The following DLGAP1 variants were observed in gnomAD, a reference collection of about 807,000 sequenced individuals.
DLGAP1 encodes disks large-associated protein 1.
In DLGAP1, 11 loss-of-function variants were observed where a neutral mutation model predicts 90.8. The observed-to-expected ratio is 0.12, with a 90% CI of 0.08 to 0.20. The LOEUF is 0.20. DLGAP1 is among the 10% of genes least tolerant of loss of function. The pLI is 1.00. For synonymous variants in DLGAP1, 558 were observed against 540.7 expected (o/e 1.03, Z -0.44); for missense variants, 1,050 against 1,333.8 (o/e 0.79, Z 3.31).
chr18:3,813,972 C>A, intron 5 of DLGAP1, 87 bp downstream of exon 5: 1 of 1,346,968 alleles, frequency 7.4e-7, no homozygotes, highest in East Asian at 2.3e-5. Flanking sequence ...TGTTTCTGCC[C>A]CACTTACTCT....
chr18:3,815,262 TC>T (rs2067045168), intron 4 of DLGAP1, among the ~76,000 whole-genome samples: 1 of 152,236 alleles, frequency 6.6e-6, no homozygotes, highest in South Asian at 2.1e-4. Flanking sequence ...CTGCATTTAC[TC>T]CCCAGTCACT....
chr18:3,957,583 A>G (rs959524474), intron 3 of DLGAP1, among the ~76,000 whole-genome samples: 11 of 152,232 alleles, frequency 7.2e-5, no homozygotes, highest in Non-Finnish European at 7.3e-5. Context: ...GTTAATATCC[A>G]CACTACTAAT....
At chr18:4,283,710 T>C (rs980310306) in intron 1 of DLGAP1, among the ~76,000 whole-genome samples, 6 of 152,178 alleles carry the variant, frequency 3.9e-5, no homozygotes, top group South Asian at 2.1e-4. Flanking sequence ...AACATGCTAA[T>C]GAAGATAAAA....
At chr18:3,693,168 G>A (rs981290117) in intron 7 of DLGAP1, among the ~76,000 whole-genome samples, 13 of 152,094 alleles carry the variant, frequency 8.5e-5, no homozygotes, top group African/African-American at 2.9e-4. Context: ...CTGCAGCCTC[G>A]AACTCCTGGG....
chr18:3,870,434 T>G (rs1192183942), intron 4 of DLGAP1, among the ~76,000 whole-genome samples: 2 of 152,168 alleles, frequency 1.3e-5, no homozygotes, highest in African/African-American at 4.8e-5. Context: ...CTTTTACATG[T>G]AGGGGGCAAT....
intron 4 of DLGAP1, among the ~76,000 whole-genome samples, chr18:3,839,345 T>C (rs907053991): frequency 6.6e-6 from 1 of 151,970 alleles, no homozygotes; most frequent in Non-Finnish European, 1.5e-5. Context: ...GGGGGACAGG[T>C]AGAATTATTG....
intron 6 of DLGAP1, among the ~76,000 whole-genome samples, chr18:3,735,951 T>TAC (rs145998387): frequency 0.023 from 3,506 of 150,514 alleles, 124 homozygotes; most frequent in African/African-American, 0.072. Flanking sequence ...TCTTTCTCTC[T>TAC]ACACACACAC....
chr18:4,132,049 T>G (rs749529684), intron 2 of DLGAP1, among the ~76,000 whole-genome samples: 1 of 152,164 alleles, frequency 6.6e-6, no homozygotes, highest in Non-Finnish European at 1.5e-5. Flanking sequence ...GCTTAACATT[T>G]TTGTAAATTC....
chr18:3,965,675 C>T (rs1421336755), intron 3 of DLGAP1, among the ~76,000 whole-genome samples: 11 of 152,206 alleles, frequency 7.2e-5, no homozygotes, highest in South Asian at 2.1e-4. Flanking sequence ...AGGCCAGGCA[C>T]GGTGACTCAC....
chr18:4,365,220 TAC>T (rs2081735074), intron 1 of DLGAP1, among the ~76,000 whole-genome samples: 1 of 152,178 alleles, frequency 6.6e-6, no homozygotes, highest in South Asian at 2.1e-4. Flanking sequence ...AGAGAAAATT[TAC>T]AGTTTTACAC....
At chr18:4,017,978 C>T (rs1029258092) in intron 2 of DLGAP1, among the ~76,000 whole-genome samples, 2 of 152,160 alleles carry the variant, frequency 1.3e-5, no homozygotes, top group African/African-American at 4.8e-5. Flanking sequence ...AATCTTATCA[C>T]TCTCTTTAAG....
rs2147070659 is a variant in DLGAP1 at position 3,695,619 on chromosome 18, T to A, written c.1591+33516A>T. ...TGGTTACTGTAGCCTTGCAGTGTAG[T>A]TTGAAGTCAGGTAGTGTGATGCCTC... On this transcript the variant is annotated intron_variant, in intron 7 of 12. Transcript: ENST00000315677. Among the ~76,000 whole-genome samples the A allele has an allele frequency of 1.3e-5, 2 of 152,314 alleles. 1 individual carries two copies. The highest frequency in any genetic ancestry group is 4.1e-4 in the South Asian group (2 of 4,824).
At chr18:4,453,015 C>G (rs1481758628) in intron 1 of DLGAP1, among the ~76,000 whole-genome samples, 2 of 152,136 alleles carry the variant, frequency 1.3e-5, no homozygotes, top group East Asian at 1.9e-4. Context: ...TTAAAAAAAT[C>G]TATGTATGCA....
At chr18:3,635,567 G>A (rs894442587) in intron 7 of DLGAP1, among the ~76,000 whole-genome samples, 4 of 151,532 alleles carry the variant, frequency 2.6e-5, no homozygotes, top group African/African-American at 9.7e-5. Flanking sequence ...TGGGGACCAG[G>A]GAAGCTGCTG....
At chr18:3,740,815 T>A (rs2062870471) in intron 6 of DLGAP1, among the ~76,000 whole-genome samples, 1 of 135,388 alleles carries the variant, frequency 7.4e-6, no homozygotes, top group African/African-American at 2.8e-5. Context: ...CCGCCACCAC[T>A]GTCACCATTG....
At chr18:3,683,281 G>GAGAACACATCAAGAGATGT (rs573424818) in intron 7 of DLGAP1, among the ~76,000 whole-genome samples, 1 of 152,120 alleles carries the variant, frequency 6.6e-6, no homozygotes, top group Non-Finnish European at 1.5e-5. Flanking sequence ...CAAACATCAA[G>GAGAACACATCAAGAGATGT]AGAACACATC....
chr18:3,583,177 C>CCTAT (rs2055651594), intron 7 of DLGAP1, among the ~76,000 whole-genome samples: 2 of 139,750 alleles, frequency 1.4e-5, no homozygotes, highest in South Asian at 5.1e-4. Flanking sequence ...TACCTACCTA[C>CCTAT]CTACCTACCT....
intron 7 of DLGAP1, among the ~76,000 whole-genome samples, chr18:3,724,911 A>AAAAAAACCCAACCAAAC (rs1555642697): frequency 6.6e-6 from 1 of 151,952 alleles, no homozygotes; most frequent in African/African-American, 2.4e-5. Flanking sequence ...TCTCAAAAAA[A>AAAAAAACCCAACCAAAC]AAAAAAACCC....
intron 4 of DLGAP1, among the ~76,000 whole-genome samples, chr18:3,865,290 G>A (rs2070316824): frequency 1.3e-5 from 2 of 152,184 alleles, no homozygotes; most frequent in African/African-American, 2.4e-5. Flanking sequence ...CAATTAGGCT[G>A]GCAGTCTCAT....
Sources: allele counts gnomAD v4.1 joint callset (sites outside exome capture counted in the v4.1 genomes callset), GRCh38; gene constraint gnomAD v4.1.1; transcripts MANE v1.5; gene names NCBI Gene and HGNC (gene_info 2026-07-23, HGNC 2026-07-21).